Variants in ARHGEF4 observed in about 807,000 individuals in gnomAD.
The protein encoded by ARHGEF4 is Rho guanine nucleotide exchange factor 4.
Under a neutral mutation model 162.0 loss-of-function variants are expected in ARHGEF4, and 119 were observed. The ratio of observed to expected loss-of-function variants is 0.73; its 90% CI spans 0.63 to 0.86. The LOEUF is 0.86. Ranked by LOEUF, ARHGEF4 falls within the 40% of genes least tolerant of loss-of-function variation. The probability of loss-of-function intolerance (pLI) is 0.00; values close to 1 mark genes in which losing one functional copy is unlikely to be tolerated. For missense variants in ARHGEF4, 2,488 were observed against 2,456.0 expected (o/e 1.01, Z -0.28); for synonymous variants, 1,014 against 979.9 (o/e 1.03, Z -0.65).
At chr2:130,875,136 T>C (rs1678740769) in intron 1 of ARHGEF4, among the ~76,000 whole-genome samples, 1 of 152,182 alleles carries the variant, frequency 6.6e-6, no homozygotes, top group Non-Finnish European at 1.5e-5. Flanking sequence ...CTTTGTATTC[T>C]TTTTCTCTCA....
chr2:131,040,080 A>C lies in ARHGEF4; in HGVS notation c.4370A>C (p.Glu1457Ala). Reference sequence around the variant, plus strand: ...CCTCTGGCCGGGAACAGCGGAGCGGAGGACGGCGGGGCGGAGGCGCAGAGC... The same window carrying C: ...CCTCTGGCCGGGAACAGCGGAGCGGCGGACGGCGGGGCGGAGGCGCAGAGC... The part of the protein sequence containing the change: ...DAPLAGNSGA[E>A]DGGAEAQSSK... Residue 1457 changes from glutamate to alanine, a missense_variant, in exon 7 of 14, where the codon GAG (glutamate) becomes GCG (alanine). Transcript: ENST00000409359. 1.9e-6 allele frequency: 3 copies of C among 1,604,690 alleles called. No individual in the cohort carries two copies. The highest frequency in any genetic ancestry group is 1.7e-6 in the Non-Finnish European group (2 of 1,175,742).
chr2:130,946,369 C>A (rs1323912295), intron 3 of ARHGEF4, 140 bp from the exon 4 acceptor site: 17 of 1,017,938 alleles, frequency 1.7e-5, no homozygotes, highest in Non-Finnish European at 2.4e-5. Context: ...TGAAAGGCAT[C>A]CCCTGGAGCT....
At chr2:131,036,416 C>A (rs538785704) in intron 5 of ARHGEF4, among the ~76,000 whole-genome samples, 1 of 152,306 alleles carries the variant, frequency 6.6e-6, no homozygotes, top group East Asian at 1.9e-4. Context: ...TGCCAGGGTG[C>A]GACAAAGGCA....
intron 4 of ARHGEF4, among the ~76,000 whole-genome samples, chr2:130,995,959 G>A (rs150286043): frequency 0.024 from 3,603 of 150,254 alleles, 153 homozygotes; most frequent in East Asian, 0.21. Context: ...GCGCGATCTC[G>A]GCTTACTGCA....
intron 4 of ARHGEF4, 106 bp from the exon 5 acceptor site, chr2:131,027,839 C>G (rs1283282168): frequency 7.3e-7 from 1 of 1,370,866 alleles, no homozygotes; most frequent in African/African-American, 1.4e-5. Flanking sequence ...GCTCCCCCTG[C>G]AGAAGAAGCA....
chr2:130,946,324 G>C (rs867411798), intron 3 of ARHGEF4, among the ~76,000 whole-genome samples, 185 bp from the exon 4 acceptor site: 4 of 152,204 alleles, frequency 2.6e-5, no homozygotes, highest in Non-Finnish European at 4.4e-5. Context: ...GCCCACTGCA[G>C]ACTCCAGGTG....
rs561421854 is a variant in ARHGEF4 at position 130,916,500 on chromosome 2, G to T, written c.2554G>T (p.Asp852Tyr). 4 of 1,548,108 alleles carry T rather than the reference G, an allele frequency of 2.6e-6. No individual in the cohort carries two copies. The East Asian group carries it at 7.3e-5, about 28-fold the overall frequency. The change falls in exon 2 of 14, where the codon GAC (aspartate) becomes TAC (tyrosine). Residue 852 changes from aspartate (D) to tyrosine (Y), a missense_variant. Around this residue, in one of 6 missense-constraint regions of ARHGEF4, gnomAD observed 1,642 missense variants for 1,481.5 expected, o/e 1.11. Transcript: ENST00000409359. Reference sequence around the variant, plus strand: ...GGACGCACCGCCTCTGCACCACGGGGACGCCAGCGCCTGGCCCGAGTTTGT... The same window carrying T: ...GGACGCACCGCCTCTGCACCACGGGTACGCCAGCGCCTGGCCCGAGTTTGT... ...GRDAPPLHHG[D>Y]ASAWPEFVPQ...
chr2:130,847,830 C>A (rs1217333420), intron 1 of ARHGEF4, among the ~76,000 whole-genome samples: 1 of 152,230 alleles, frequency 6.6e-6, no homozygotes, highest in African/African-American at 2.4e-5. Context: ...CCTTGAAGGC[C>A]CATCCGTGTG....
At chr2:131,027,031 T>A (rs1280937852) in intron 4 of ARHGEF4, among the ~76,000 whole-genome samples, 1 of 152,218 alleles carries the variant, frequency 6.6e-6, no homozygotes, top group Non-Finnish European at 1.5e-5. Context: ...ACGTGCTCCT[T>A]AGTGGGGCCG....
chr2:131,039,397 C>T, intron 6 of ARHGEF4: 1 of 1,060,378 alleles, frequency 9.4e-7, no homozygotes, highest in Non-Finnish European at 1.1e-6. Flanking sequence ...CCATGACTTA[C>T]ACCTGAAGAA....
chr2:130,953,967 A>C (rs1473573977), intron 4 of ARHGEF4, among the ~76,000 whole-genome samples: 1 of 152,270 alleles, frequency 6.6e-6, no homozygotes, highest in Non-Finnish European at 1.5e-5. Flanking sequence ...AGTGTAAACT[A>C]GTTCAACCAT....
Position 130,959,633 on chromosome 2 carries a change from T to C in ARHGEF4, c.3985+12998T>C, listed in dbSNP as rs377642510. 2.7e-3 allele frequency among the ~76,000 whole-genome samples: 413 copies of C among 152,342 alleles called. 12 individuals are homozygous for C. In the South Asian group the frequency reaches 0.082, roughly 30 times the overall value. On this transcript the variant is annotated intron_variant, in intron 4 of 13. Coordinates refer to ENST00000409359, the MANE Select transcript of ARHGEF4 (RefSeq NM_001367493.1). ...AGACATTGCTAGGTGTGACTGCATA[T>C]CTACACATCATTCACTTAATCCTCA...
At chr2:130,946,757 T>G (rs1464974377) in intron 4 of ARHGEF4, 122 bp downstream of exon 4, 8 of 1,396,400 alleles carry the variant, frequency 5.7e-6, no homozygotes, top group Middle Eastern at 2.5e-4. Flanking sequence ...GTGAGAGAGA[T>G]AAACAATTGT....
At chr2:130,882,280 G>A (rs1161955212) in intron 1 of ARHGEF4, among the ~76,000 whole-genome samples, 1 of 152,072 alleles carries the variant, frequency 6.6e-6, no homozygotes, top group African/African-American at 2.4e-5. Flanking sequence ...GTTCCTTCCT[G>A]TTTCCAGCCC....
chr2:130,916,390 C>A lies in ARHGEF4; in HGVS notation c.2444C>A (p.Pro815Gln). 1 of 1,530,432 alleles carries A rather than the reference C, an allele frequency of 6.5e-7. No homozygotes were observed. Among genetic ancestry groups the A allele is most frequent in the Middle Eastern group, 2.2e-4 (1 of 4,626 alleles). 94.8% of individuals were successfully genotyped at this position (1,530,432 alleles called of 1,614,324 possible). Residue 815 changes from proline (P) to glutamine (Q), a missense_variant, in exon 2 of 14, where the codon CCG (proline) becomes CAG (glutamine). Around this residue, in one of 6 missense-constraint regions of ARHGEF4, gnomAD observed 1,642 missense variants for 1,481.5 expected, o/e 1.11. Coordinates refer to ENST00000409359, the MANE Select transcript of ARHGEF4 (RefSeq NM_001367493.1). ...PLATESPGGVPAPTTEGRRWG... is the reference protein window; with the variant it reads ...PLATESPGGVQAPTTEGRRWG... ...GCCACTGAGAGCCCAGGAGGGGTCC[C>A]GGCCCCGACCACCGAGGGTCGCCGC...
At chr2:130,862,903 A>G (rs1682030995) in intron 1 of ARHGEF4, among the ~76,000 whole-genome samples, 1 of 110,472 alleles carries the variant, frequency 9.1e-6, no homozygotes, top group Admixed American at 9.3e-5. Context: ...TGTATCTGAT[A>G]AAGAATTTGT....
At chr2:130,972,538 G>A (rs1399716032) in intron 4 of ARHGEF4, among the ~76,000 whole-genome samples, 6 of 152,182 alleles carry the variant, frequency 3.9e-5, no homozygotes, top group African/African-American at 1.4e-4. Context: ...TCAGTCCTCT[G>A]TTGTGGTCTC....
In ARHGEF4 at chr2:131,046,125, A is replaced by G; in HGVS notation, c.5567A>G (p.Glu1856Gly). The G allele has an allele frequency of 3.7e-6, 6 of 1,612,958 alleles. No homozygotes were observed. The highest frequency in any genetic ancestry group is 5.1e-6 in the Non-Finnish European group (6 of 1,179,894). ...RPQQQVLVLA[E>G]PRRKPSTFWH... ...CAGCAGCAGGTCCTGGTGCTGGCGG[A>G]GCCCAGGCGCAAGCCATCTACCTTC... The change falls in exon 14 of 14, where the codon GAG becomes GGG. Residue 1856 changes from glutamate to glycine, a missense_variant. This residue lies in a region of ARHGEF4 where 415 missense variants were observed against 512.4 expected (regional missense o/e 0.81). Transcript: ENST00000409359.
chr2:130,879,574 G>A (rs1574147255), intron 1 of ARHGEF4, among the ~76,000 whole-genome samples: 1 of 151,904 alleles, frequency 6.6e-6, no homozygotes, highest in East Asian at 1.9e-4. Flanking sequence ...TGTGTCTTTT[G>A]ACCAACACTT....
Sources: gnomAD v4.1 joint callset for allele counts (sites outside exome capture counted in the v4.1 genomes callset) on GRCh38, gnomAD v4.1.1 for gene constraint, gnomAD v4.1.1 regional missense constraint, MANE v1.5 for transcripts, NCBI Gene and HGNC (gene_info 2026-07-23, HGNC 2026-07-21) for gene names.